NRXN3: variants seen among roughly 807,000 people sequenced by gnomAD.
NRXN3 encodes neurexin III.
A neutral mutation model predicts 137.6 loss-of-function variants in NRXN3; 32 were observed. The ratio of observed to expected loss-of-function variants is 0.23; its 90% CI spans 0.18 to 0.31. The LOEUF (loss-of-function observed/expected upper bound fraction) is 0.31, where lower values mean the gene tolerates loss of function less well. Among genes scored for constraint, NRXN3 ranks in the 10% least tolerant of loss-of-function variants. The probability of loss-of-function intolerance (pLI) is 1.00; values close to 1 mark genes in which losing one functional copy is unlikely to be tolerated. For synonymous variants in NRXN3, 798 were observed against 784.5 expected, an observed-to-expected ratio of 1.02 and a Z score of -0.29; for missense variants, 1,574 against 2,062.5, an observed-to-expected ratio of 0.76 and a Z score of 4.59.
At chr14:79,074,319 T>A (rs1031771660) in intron 15 of NRXN3, among the ~76,000 whole-genome samples, 4 of 152,224 alleles carry the variant, frequency 2.6e-5, no homozygotes, top group Non-Finnish European at 4.4e-5. Flanking sequence ...TTCCAATGAG[T>A]TGAAAAAATT....
intron 16 of NRXN3, among the ~76,000 whole-genome samples, chr14:79,503,277 G>T (rs1469069126): frequency 1.3e-5 from 2 of 152,100 alleles, no homozygotes; most frequent in Non-Finnish European, 2.9e-5. Context: ...ATCCCAGTTT[G>T]CCTGTAAATT....
At chr14:79,061,750 C>T (rs2099674578) in intron 15 of NRXN3, among the ~76,000 whole-genome samples, 1 of 152,164 alleles carries the variant, frequency 6.6e-6, no homozygotes, top group African/African-American at 2.4e-5. Flanking sequence ...ACACAAGTTA[C>T]GAGTTGTCCT....
At chr14:78,571,808 T>C (rs2096892478) in intron 4 of NRXN3, among the ~76,000 whole-genome samples, 1 of 152,222 alleles carries the variant, frequency 6.6e-6, no homozygotes, top group Admixed American at 6.5e-5. Context: ...GAATCTACCG[T>C]AGGTTCTTGG....
At chr14:78,782,047 T>G (rs2098771713) in intron 8 of NRXN3, among the ~76,000 whole-genome samples, 1 of 152,224 alleles carries the variant, frequency 6.6e-6, no homozygotes, top group African/African-American at 2.4e-5. Flanking sequence ...ACATTTGGAC[T>G]GGGCTTGCGT....
chr14:79,830,855 AT>A (rs1390292671), intron 20 of NRXN3, among the ~76,000 whole-genome samples: 1 of 105,026 alleles, frequency 9.5e-6, no homozygotes, highest in African/African-American at 4.4e-5. Context: ...GTGAACTTTT[AT>A]TTGGTGCAAG....
intron 19 of NRXN3, among the ~76,000 whole-genome samples, chr14:79,762,466 AC>A (rs1365454996): frequency 1.7e-5 from 2 of 114,560 alleles, no homozygotes; most frequent in African/African-American, 2.9e-5. Context: ...TCCTGGCTTC[AC>A]TTTTTTTTTT....
rs76613847 is a variant in NRXN3, at chr14:79,117,595, C to T, written c.3262+129454C>T. ...GTCAGTAGCAATAAATTTGTAAGAA[C>T]ATTTTTAAGGCAGCACAGACAAGTG... On this transcript the variant is annotated intron_variant, in intron 15 of 20. Transcript: ENST00000335750. 2.4e-3 allele frequency among the ~76,000 whole-genome samples: 367 copies of T among 152,218 alleles called. 3 individuals carry two copies. The highest frequency in any genetic ancestry group is 3.6e-3 in the Non-Finnish European group (247 of 68,018).
chr14:78,334,843 T>C (rs2081268815), intron 4 of NRXN3, among the ~76,000 whole-genome samples: 1 of 152,176 alleles, frequency 6.6e-6, no homozygotes, highest in South Asian at 2.1e-4. Flanking sequence ...AAGCTGCCTT[T>C]TTAATGATTC....
chr14:78,671,442 A>T (rs1045418151), intron 6 of NRXN3, among the ~76,000 whole-genome samples: 1 of 152,226 alleles, frequency 6.6e-6, no homozygotes, highest in Non-Finnish European at 1.5e-5. Flanking sequence ...AAGTACATAT[A>T]AGAAATGTTG....
chr14:79,243,744 C>G (rs2074690031), intron 15 of NRXN3, among the ~76,000 whole-genome samples: 2 of 151,950 alleles, frequency 1.3e-5, no homozygotes, highest in Non-Finnish European at 2.9e-5. Context: ...TTTTGTGTGT[C>G]TGGATATATC....
At chr14:79,691,911 AT>A (rs2098718117) in intron 17 of NRXN3, among the ~76,000 whole-genome samples, 1 of 151,976 alleles carries the variant, frequency 6.6e-6, no homozygotes, top group Non-Finnish European at 1.5e-5. Flanking sequence ...AGGTAAATCC[AT>A]TTCCGTAAAC....
intron 15 of NRXN3, among the ~76,000 whole-genome samples, chr14:78,992,850 A>G (rs1268935366): frequency 6.6e-6 from 1 of 152,198 alleles, no homozygotes; most frequent in East Asian, 1.9e-4. Flanking sequence ...TCTTTGGCAC[A>G]TGAGTCCTTA....
chr14:79,767,463 C>T (rs1423264692), intron 19 of NRXN3, among the ~76,000 whole-genome samples: 1 of 152,162 alleles, frequency 6.6e-6, no homozygotes, highest in Non-Finnish European at 1.5e-5. Context: ...GCTGTCATAA[C>T]CTCATGCATT....
chr14:78,736,117 A>G (rs2152916191), intron 8 of NRXN3, among the ~76,000 whole-genome samples: 1 of 140,126 alleles, frequency 7.1e-6, no homozygotes, highest in South Asian at 2.3e-4. Context: ...GATATTTACT[A>G]CACACATACA....
chr14:79,843,867 C>T (rs1231416133), intron 20 of NRXN3, among the ~76,000 whole-genome samples: 2 of 152,132 alleles, frequency 1.3e-5, no homozygotes, highest in African/African-American at 4.8e-5. Context: ...GAGCAGTGTA[C>T]ATTGTACCCA....
At chr14:79,743,295 T>C (rs1296669275) in intron 19 of NRXN3, among the ~76,000 whole-genome samples, 1 of 152,160 alleles carries the variant, frequency 6.6e-6, no homozygotes, top group African/African-American at 2.4e-5. Context: ...CTTCCTAGAC[T>C]TCATTTTTCC....
chr14:78,952,444 C>A (rs2152951997), intron 10 of NRXN3, among the ~76,000 whole-genome samples: 1 of 152,218 alleles, frequency 6.6e-6, no homozygotes, highest in African/African-American at 2.4e-5. Flanking sequence ...CTTATCATCC[C>A]TGCTTTTACT....
chr14:79,399,411 AT>A (rs1042947941), intron 15 of NRXN3, among the ~76,000 whole-genome samples: 58 of 152,326 alleles, frequency 3.8e-4, no homozygotes, highest in African/African-American at 1.4e-3. Flanking sequence ...TGTTCAAAGT[AT>A]TGTAGCACTT....
chr14:78,647,603 A>G (rs1053719990), intron 5 of NRXN3, among the ~76,000 whole-genome samples: 1 of 152,198 alleles, frequency 6.6e-6, no homozygotes, highest in Non-Finnish European at 1.5e-5. Flanking sequence ...CAGAGGCCCT[A>G]CAGTATTGGG....
Sources: allele counts gnomAD v4.1 joint callset (sites outside exome capture counted in the v4.1 genomes callset), GRCh38; gene constraint gnomAD v4.1.1; transcripts MANE v1.5; gene names NCBI Gene and HGNC (gene_info 2026-07-23, HGNC 2026-07-21).